Variants in PDGFC observed in about 807,000 individuals in gnomAD.
PDGFC encodes the protein platelet derived growth factor C.
PDGFC carries 12 observed loss-of-function variants against 35.5 expected under a neutral mutation model. The ratio of observed to expected loss-of-function variants is 0.34; its 90% CI spans 0.22 to 0.55. The LOEUF (loss-of-function observed/expected upper bound fraction) is 0.55. Ranked by LOEUF, PDGFC falls within the 20% of genes least tolerant of loss-of-function variation. The pLI is 0.91. For missense variants in PDGFC, 322 were observed against 412.4 expected, an observed-to-expected ratio of 0.78 and a Z score of 1.90; for synonymous variants, 159 against 148.8, an observed-to-expected ratio of 1.07 and a Z score of -0.50.
rs1560845692 is a variant in PDGFC at position 156,861,942 on chromosome 4, A to ATTT, written c.119-11529_119-11527dup. Among the ~76,000 whole-genome samples, 3 of 152,214 alleles carry ATTT rather than the reference A, an allele frequency of 2.0e-5. No homozygotes were observed. The South Asian group carries it at 6.2e-4, about 32-fold the overall frequency. On this transcript the variant is annotated intron_variant, in intron 1 of 5. Transcript: ENST00000502773. ...TAATATCTTGTCCCAGAAACTACAT[A>ATTT]TTTAAAAGTTCCATATGGTAAGGTG... is the stretch of plus-strand genomic sequence containing the variant.
At chr4:156,794,266 C>T (rs1390441796) in intron 3 of PDGFC, among the ~76,000 whole-genome samples, 2 of 152,078 alleles carry the variant, frequency 1.3e-5, no homozygotes, top group African/African-American at 4.8e-5. Flanking sequence ...TCAGGACATG[C>T]TCTATATTGG....
At chr4:156,845,504 G>A (rs1001859242) in intron 2 of PDGFC, among the ~76,000 whole-genome samples, 5 of 151,576 alleles carry the variant, frequency 3.3e-5, no homozygotes, top group African/African-American at 4.8e-5. Context: ...CAATTCTGTC[G>A]GAGCTCAGCA....
At chr4:156,793,321 T>C (rs1445012947) in intron 3 of PDGFC, among the ~76,000 whole-genome samples, 1 of 151,780 alleles carries the variant, frequency 6.6e-6, no homozygotes, top group Non-Finnish European at 1.5e-5. Flanking sequence ...TACAATCTTT[T>C]CCCAGAAAGG....
At chr4:156,963,627 T>A (rs1288338678) in intron 1 of PDGFC, among the ~76,000 whole-genome samples, 1 of 151,938 alleles carries the variant, frequency 6.6e-6, no homozygotes, top group Non-Finnish European at 1.5e-5. Context: ...ACAGGGCAAA[T>A]AACCGTCCAG....
chr4:156,888,249 G>A (rs2111187879), intron 1 of PDGFC, among the ~76,000 whole-genome samples: 1 of 152,066 alleles, frequency 6.6e-6, no homozygotes, highest in East Asian at 1.9e-4. Context: ...GCACTTATCA[G>A]AAACATCATA....
intron 1 of PDGFC, among the ~76,000 whole-genome samples, chr4:156,893,184 G>T (rs77987816): frequency 0.061 from 9,340 of 152,148 alleles, 382 homozygotes; most frequent in Middle Eastern, 0.11. Flanking sequence ...AAAAAGGAAG[G>T]TTAAGGTATG....
At chr4:156,956,299 T>C (rs1438316201) in intron 1 of PDGFC, among the ~76,000 whole-genome samples, 1 of 152,074 alleles carries the variant, frequency 6.6e-6, no homozygotes, top group Non-Finnish European at 1.5e-5. Context: ...AACAACAATG[T>C]AGACTTTCCT....
intron 2 of PDGFC, among the ~76,000 whole-genome samples, chr4:156,822,155 C>T (rs543200547): frequency 6.6e-6 from 1 of 151,890 alleles, no homozygotes; most frequent in South Asian, 2.1e-4. Flanking sequence ...TTCAGGAGAT[C>T]GAGACCATCC....
chr4:156,822,356 C>CA (rs397878245), intron 2 of PDGFC, among the ~76,000 whole-genome samples: 19,315 of 70,104 alleles, frequency 0.28, 3,376 homozygotes, highest in Middle Eastern at 0.37. Context: ...GAAACTGTCT[C>CA]AAAAAAAAAA....
chr4:156,942,690 T>C (rs898243301), intron 1 of PDGFC, among the ~76,000 whole-genome samples: 7 of 148,530 alleles, frequency 4.7e-5, no homozygotes, highest in African/African-American at 1.7e-4. Context: ...AATATACATG[T>C]ATATTATATA....
chr4:156,768,627 AT>A (rs1730607148), intron 4 of PDGFC, among the ~76,000 whole-genome samples: 1 of 152,016 alleles, frequency 6.6e-6, no homozygotes, highest in East Asian at 1.9e-4. Flanking sequence ...GCATTGAATG[AT>A]TTCCCATCTT....
intron 1 of PDGFC, among the ~76,000 whole-genome samples, chr4:156,867,652 T>C (rs73856768): frequency 0.08 from 12,148 of 152,142 alleles, 509 homozygotes; most frequent in Middle Eastern, 0.11. Flanking sequence ...AATTGAAAAA[T>C]AATCAACACA....
intron 1 of PDGFC, among the ~76,000 whole-genome samples, chr4:156,952,737 T>C (rs183575547): frequency 6.6e-6 from 1 of 151,992 alleles, no homozygotes; most frequent in African/African-American, 2.4e-5. Context: ...TAACACCAAG[T>C]AAATTTCCTT....
At chr4:156,957,745 C>G (rs923113469) in intron 1 of PDGFC, among the ~76,000 whole-genome samples, 1 of 151,948 alleles carries the variant, frequency 6.6e-6, no homozygotes, top group East Asian at 1.9e-4. Context: ...AAGAATCACT[C>G]TTCTATTTAC....
chr4:156,808,779 C>A (rs552371855), intron 3 of PDGFC, among the ~76,000 whole-genome samples: 1 of 151,914 alleles, frequency 6.6e-6, no homozygotes, highest in Non-Finnish European at 1.5e-5. Context: ...CTTCTGCAGA[C>A]AGTTTATTAA....
intron 2 of PDGFC, among the ~76,000 whole-genome samples, chr4:156,832,124 TC>T (rs1560831825): frequency 6.6e-6 from 1 of 152,072 alleles, no homozygotes; most frequent in African/African-American, 2.4e-5. Flanking sequence ...TCCAGTTGTC[TC>T]CCATAAGGCA....
rs554693908 is a variant in PDGFC at position 156,905,336 on chromosome 4, C to T, written c.119-54920G>A. Among the ~76,000 whole-genome samples, 8 of 152,128 alleles carry T rather than the reference C, an allele frequency of 5.3e-5. No individual in the cohort carries two copies. In the East Asian group the frequency reaches 5.8e-4, roughly 11 times the overall value. On this transcript the variant is annotated intron_variant, in intron 1 of 5. Coordinates refer to ENST00000502773, the MANE Select transcript of PDGFC (RefSeq NM_016205.3). ...TTGATGTTTTATATTCATGACTTTA[C>T]TCAATTCTCAAAAAAAGCCTCATAG... is the stretch of plus-strand genomic sequence containing the variant.
intron 3 of PDGFC, among the ~76,000 whole-genome samples, chr4:156,797,927 C>G (rs1056694906): frequency 6.6e-6 from 1 of 152,176 alleles, no homozygotes; most frequent in African/African-American, 2.4e-5. Context: ...CGGTGCCTCA[C>G]GCCAGTAATT....
intron 1 of PDGFC, among the ~76,000 whole-genome samples, chr4:156,951,822 C>T (rs962501249): frequency 2.6e-5 from 4 of 151,228 alleles, no homozygotes; most frequent in African/African-American, 9.7e-5. Flanking sequence ...CTCACAGATA[C>T]AATCAGCCTC....
Sources: gnomAD v4.1 joint callset for allele counts (sites outside exome capture counted in the v4.1 genomes callset) on GRCh38, gnomAD v4.1.1 for gene constraint, MANE v1.5 for transcripts, NCBI Gene and HGNC (gene_info 2026-07-23, HGNC 2026-07-21) for gene names.